TAS2R1: variants seen among roughly 807,000 people sequenced by gnomAD.
TAS2R1 encodes taste receptor type 2 member 1.
For synonymous variants in TAS2R1, 141 were observed against 134.2 expected, an observed-to-expected ratio of 1.05 and a Z score of -0.35; for missense variants, 370 against 353.4, an observed-to-expected ratio of 1.05 and a Z score of -0.38.
the TAS2R1 span, among the ~76,000 whole-genome samples, chr5:9,802,828 G>A: frequency 6.6e-6 from 1 of 152,108 alleles, no homozygotes; most frequent in African/African-American, 2.4e-5. Flanking sequence ...GTGTGAACCT[G>A]GGAGGCAGAG....
chr5:9,738,104 C>T, the TAS2R1 span, among the ~76,000 whole-genome samples: 1 of 152,214 alleles, frequency 6.6e-6, no homozygotes, highest in Admixed American at 6.6e-5. Flanking sequence ...ACAATTCTCT[C>T]CCCTCAAACA....
the TAS2R1 span, among the ~76,000 whole-genome samples, chr5:9,763,125 C>A: frequency 0.055 from 8,370 of 152,212 alleles, 622 homozygotes; most frequent in East Asian, 0.26. Context: ...TTACGCTTAA[C>A]CTTCGGAGAA....
the TAS2R1 span, among the ~76,000 whole-genome samples, chr5:9,824,122 G>A: frequency 6.6e-6 from 1 of 152,162 alleles, no homozygotes; most frequent in South Asian, 2.1e-4. Context: ...GCTTTGGAGT[G>A]GAAGTGCCTC....
At chr5:9,763,775 G>A in the TAS2R1 span, among the ~76,000 whole-genome samples, 4 of 152,162 alleles carry the variant, frequency 2.6e-5, no homozygotes, top group African/African-American at 4.8e-5. Context: ...TCAAAACCCC[G>A]GGATGGGGCC....
chr5:9,865,512 G>A, the TAS2R1 span, among the ~76,000 whole-genome samples: 3 of 152,098 alleles, frequency 2.0e-5, no homozygotes, highest in Non-Finnish European at 2.9e-5. Flanking sequence ...TCAGCATTCT[G>A]TGTTTTTACC....
the TAS2R1 span, among the ~76,000 whole-genome samples, chr5:9,724,136 C>G: frequency 6.6e-6 from 1 of 152,210 alleles, no homozygotes; most frequent in African/African-American, 2.4e-5. Flanking sequence ...CTGACCAGTG[C>G]ATGCCTTATT....
At chr5:9,811,993 G>A in the TAS2R1 span, among the ~76,000 whole-genome samples, 3 of 151,624 alleles carry the variant, frequency 2.0e-5, no homozygotes, top group East Asian at 1.9e-4. Context: ...TCCTCCCCCC[G>A]CATTGCTTGC....
chr5:9,830,605 G>GCGCA, the TAS2R1 span, among the ~76,000 whole-genome samples: 21,813 of 149,592 alleles, frequency 0.15, 1,553 homozygotes, highest in African/African-American at 0.18. Flanking sequence ...ACGTGCGCGC[G>GCGCA]CACACACACA....
chr5:9,746,905 C>T, the TAS2R1 span, among the ~76,000 whole-genome samples: 34 of 152,140 alleles, frequency 2.2e-4, no homozygotes, highest in Non-Finnish European at 4.3e-4. Flanking sequence ...GCAAGTTCTG[C>T]ATATGTATCC....
the TAS2R1 span, chr5:9,854,306 C>G: frequency 6.6e-6 from 1 of 151,806 alleles, no homozygotes; most frequent in African/African-American, 2.4e-5. Context: ...GGATTAGGGC[C>G]TCACCTGCTC....
At chr5:9,813,247 A>G in the TAS2R1 span, among the ~76,000 whole-genome samples, 1 of 152,202 alleles carries the variant, frequency 6.6e-6, no homozygotes, top group South Asian at 2.1e-4. Flanking sequence ...TCTTTTCCTC[A>G]CAGCCCTCAG....
At chr5:9,815,400 C>T in the TAS2R1 span, among the ~76,000 whole-genome samples, 2 of 152,080 alleles carry the variant, frequency 1.3e-5, no homozygotes, top group Non-Finnish European at 2.9e-5. Flanking sequence ...ACAAACAAGT[C>T]AATGTGTGTT....
intron 1 of TAS2R1, among the ~76,000 whole-genome samples, chr5:9,699,750 A>G (rs1340511222): frequency 1.3e-5 from 2 of 152,156 alleles, no homozygotes; most frequent in Non-Finnish European, 2.9e-5. Context: ...TCTTTCTACA[A>G]GCCTATATTA....
the TAS2R1 span, among the ~76,000 whole-genome samples, chr5:9,848,694 C>T: frequency 6.6e-6 from 1 of 151,996 alleles, no homozygotes; most frequent in Non-Finnish European, 1.5e-5. Flanking sequence ...GCACATGGTA[C>T]ACTGTAAATT....
chr5:9,887,548 T>C, the TAS2R1 span, among the ~76,000 whole-genome samples: 1 of 152,164 alleles, frequency 6.6e-6, no homozygotes, highest in Non-Finnish European at 1.5e-5. Context: ...CACACGAGGC[T>C]CCTCCACCAC....
At chr5:9,658,530 T>G (rs888882222) in intron 2 of TAS2R1, 3 of 152,216 alleles carry the variant, frequency 2.0e-5, no homozygotes, top group Admixed American at 6.5e-5. Flanking sequence ...CTGCCAGTGC[T>G]GCTCGGCTGA....
chr5:9,818,502 T>C, the TAS2R1 span, among the ~76,000 whole-genome samples: 1 of 152,188 alleles, frequency 6.6e-6, no homozygotes. Flanking sequence ...AGGTCAGCCA[T>C]GTGGGCTGAA....
the TAS2R1 span, chr5:9,854,697 T>C: frequency 6.6e-6 from 1 of 152,110 alleles, no homozygotes; most frequent in Non-Finnish European, 1.5e-5. Flanking sequence ...ATACAGAAAG[T>C]TGCAATACTG....
At chr5:9,665,874 T>C (rs781084950) in intron 1 of TAS2R1, among the ~76,000 whole-genome samples, 1 of 152,246 alleles carries the variant, frequency 6.6e-6, no homozygotes, top group Non-Finnish European at 1.5e-5. Context: ...CATTTTATTA[T>C]ACCATGATAA....
Sources: gnomAD v4.1 joint callset for allele counts (sites outside exome capture counted in the v4.1 genomes callset) on GRCh38, gnomAD v4.1.1 for gene constraint, MANE v1.5 for transcripts, NCBI Gene and HGNC (gene_info 2026-07-23, HGNC 2026-07-21) for gene names.